DMXL1: variants seen among roughly 807,000 people sequenced by gnomAD.
The protein encoded by DMXL1 is dmX-like protein 1.
In DMXL1, 99 loss-of-function variants were observed where a neutral mutation model predicts 319.2. The observed-to-expected ratio is 0.31, with a 90% CI of 0.26 to 0.37. The LOEUF is 0.37. Ranked by LOEUF, DMXL1 falls within the 10% of genes least tolerant of loss-of-function variation. The probability of loss-of-function intolerance (pLI) is 1.00; values close to 1 mark genes in which losing one functional copy is unlikely to be tolerated. For synonymous variants in DMXL1, 1,385 were observed against 1,235.2 expected (o/e 1.12, Z -2.54); for missense variants, 3,745 against 3,595.6 (o/e 1.04, Z -1.06).
intron 7 of DMXL1, among the ~76,000 whole-genome samples, chr5:119,117,161 G>T (rs192594283): frequency 2.6e-5 from 4 of 152,126 alleles, no homozygotes; most frequent in Admixed American, 6.5e-5. Flanking sequence ...CTCAAATAGC[G>T]GGGACTACAG....
chr5:119,082,313 G>T (rs1752430300), intron 1 of DMXL1, among the ~76,000 whole-genome samples: 2 of 151,512 alleles, frequency 1.3e-5, no homozygotes, highest in South Asian at 4.2e-4. Flanking sequence ...TCACTCTGTT[G>T]CCCAGGTTGG....
intron 18 of DMXL1, among the ~76,000 whole-genome samples, chr5:119,151,615 A>G (rs1361206036): frequency 6.6e-6 from 1 of 152,150 alleles, no homozygotes; most frequent in Non-Finnish European, 1.5e-5. Flanking sequence ...GTTAAAGATA[A>G]TACTGTACAT....
At chr5:119,134,446 T>G in intron 13 of DMXL1, 57 bp downstream of exon 13, 1 of 1,408,084 alleles carries the variant, frequency 7.1e-7, no homozygotes, top group African/African-American at 1.4e-5. Context: ...TCAGATAGTT[T>G]ATATTTATTG....
Position 119,071,283 on chromosome 5 carries a change from G to A in DMXL1, c.-287G>A, listed in dbSNP as rs1030242829. 4.7e-6 allele frequency: 2 copies of A among 426,746 alleles called. No homozygotes were observed. Among genetic ancestry groups the A allele is most frequent in the Middle Eastern group, 6.7e-4 (1 of 1,490 alleles). The allele number at this position is 426,746 out of a possible 1,614,324, so 26.4% of individuals were successfully genotyped here. Reference sequence around the variant, plus strand: ...GTGAGTCGGCCCCGGGTCGTGGCCGGTGAGGGGACCCTGAGCTTCACCTGG... The same window carrying A: ...GTGAGTCGGCCCCGGGTCGTGGCCGATGAGGGGACCCTGAGCTTCACCTGG... On this transcript the variant is annotated 5_prime_UTR_variant, in exon 1 of 44. The change creates a new upstream start codon in the 5' untranslated region. Transcript: ENST00000539542.
chr5:119,145,081 A>G (rs1178472632), intron 15 of DMXL1, among the ~76,000 whole-genome samples: 3 of 151,844 alleles, frequency 2.0e-5, no homozygotes, highest in African/African-American at 7.2e-5. Flanking sequence ...CCTCTCATCA[A>G]CACTTTACAT....
intron 13 of DMXL1, among the ~76,000 whole-genome samples, chr5:119,142,315 A>G (rs1205597708): frequency 6.6e-6 from 1 of 152,080 alleles, no homozygotes; most frequent in Non-Finnish European, 1.5e-5. Context: ...CTGAATATCC[A>G]ACATCTGTAA....
chr5:119,099,907 G>C (rs970882518), intron 2 of DMXL1, among the ~76,000 whole-genome samples: 1 of 152,086 alleles, frequency 6.6e-6, no homozygotes, highest in African/African-American at 2.4e-5. Flanking sequence ...AAGCTGAGGC[G>C]GGAGAATCAC....
intron 7 of DMXL1, among the ~76,000 whole-genome samples, chr5:119,118,603 G>A (rs533880563): frequency 4.6e-5 from 7 of 152,230 alleles, no homozygotes; most frequent in East Asian, 1.9e-4. Context: ...AAGAAAGAAC[G>A]TTTGGCAACA....
At chr5:119,156,638 A>T (rs1581066072) in intron 19 of DMXL1, among the ~76,000 whole-genome samples, 1 of 151,986 alleles carries the variant, frequency 6.6e-6, no homozygotes, top group East Asian at 1.9e-4. Context: ...ATCATGTGGT[A>T]ATTTTGTTTT....
chr5:119,200,685 ATTC>A (rs1209539565), intron 32 of DMXL1, among the ~76,000 whole-genome samples: 1 of 152,124 alleles, frequency 6.6e-6, no homozygotes, highest in African/African-American at 2.4e-5. Flanking sequence ...AATGATATTG[ATTC>A]TTCTTCTCCA....
intron 34 of DMXL1, among the ~76,000 whole-genome samples, chr5:119,211,609 T>C (rs990355514): frequency 5.3e-5 from 8 of 152,224 alleles, no homozygotes; most frequent in Non-Finnish European, 1.2e-4. Flanking sequence ...GTATTTATAT[T>C]CCCTAATATT....
chr5:119,143,579 A>T (rs540197248), intron 13 of DMXL1, among the ~76,000 whole-genome samples: 1 of 152,116 alleles, frequency 6.6e-6, no homozygotes, highest in South Asian at 2.1e-4. Flanking sequence ...AATTTTTCAC[A>T]TTTATGGATG....
At chr5:119,122,959 G>T (rs1199678077) in intron 9 of DMXL1, among the ~76,000 whole-genome samples, 1 of 152,218 alleles carries the variant, frequency 6.6e-6, no homozygotes, top group Non-Finnish European at 1.5e-5. Flanking sequence ...AGGCAGCTGG[G>T]AGGTGGAGGT....
chr5:119,129,175 TAAA>T, intron 9 of DMXL1, 33 bp from the exon 10 acceptor site: 1 of 1,372,450 alleles, frequency 7.3e-7, no homozygotes. Flanking sequence ...TGCTAGAAGG[TAAA>T]AATTTTAATT....
chr5:119,166,199 G>T (rs890867298), intron 21 of DMXL1, among the ~76,000 whole-genome samples: 1 of 152,128 alleles, frequency 6.6e-6, no homozygotes, highest in African/African-American at 2.4e-5. Context: ...ATAACAAATC[G>T]GTTTTCTAAG....
Position 119,248,882 on chromosome 5 carries a change from ATTG to A in DMXL1, c.*1666_*1668del, listed in dbSNP as rs1415572196. The A allele has an allele frequency of 1.3e-5, 2 of 152,494 alleles. No individual in the cohort carries two copies. Among genetic ancestry groups the A allele is most frequent in the African/African-American group, 2.4e-5 (1 of 41,456 alleles). 9.4% of individuals were successfully genotyped at this position (152,494 alleles called of 1,614,324 possible). The stretch of plus-strand genomic sequence containing the variant: ...ATCTGACAGCATTGCAAACAATAGT[ATTG>A]TTTGATGTAGTTAACCTTAAGTTAT... On this transcript the variant is annotated 3_prime_UTR_variant, in exon 44 of 44. Coordinates refer to ENST00000539542, the MANE Select transcript of DMXL1 (RefSeq NM_001290321.3).
intron 23 of DMXL1, among the ~76,000 whole-genome samples, chr5:119,168,453 A>T (rs1317818367): frequency 6.6e-6 from 1 of 152,188 alleles, no homozygotes; most frequent in Non-Finnish European, 1.5e-5. Context: ...GTTTTCATAG[A>T]TTGAATTGTG....
At chr5:119,091,208 T>C (rs1754733602) in intron 1 of DMXL1, among the ~76,000 whole-genome samples, 1 of 151,834 alleles carries the variant, frequency 6.6e-6, no homozygotes, top group Admixed American at 6.6e-5. Context: ...GCTGCATTTA[T>C]TTATTTATTT....
chr5:119,177,924 G>C, intron 27 of DMXL1, 72 bp from the exon 28 acceptor site: 1 of 1,353,166 alleles, frequency 7.4e-7, no homozygotes, highest in Non-Finnish European at 9.8e-7. Context: ...CCTGAAATTA[G>C]AAAAATATAG....
Sources: gnomAD v4.1 joint callset for allele counts (sites outside exome capture counted in the v4.1 genomes callset) on GRCh38, gnomAD v4.1.1 for gene constraint, MANE v1.5 for transcripts, NCBI Gene and HGNC (gene_info 2026-07-23, HGNC 2026-07-21) for gene names.